The following MAP4K3 variants were observed in gnomAD, a reference collection of about 807,000 sequenced individuals.
The protein encoded by MAP4K3 is mitogen-activated protein kinase kinase kinase kinase 3.
A neutral mutation model predicts 143.5 loss-of-function variants in MAP4K3; 94 were observed. That is an observed-to-expected ratio of 0.65 (90% CI 0.55 to 0.78). The LOEUF (loss-of-function observed/expected upper bound fraction) is 0.78. MAP4K3 is among the 30% of genes least tolerant of loss of function. The pLI is 0.00. For synonymous variants in MAP4K3, 416 were observed against 347.2 expected, an observed-to-expected ratio of 1.20 and a Z score of -2.20; for missense variants, 1,077 against 1,068.1, an observed-to-expected ratio of 1.01 and a Z score of -0.12.
chr2:39,317,620 A>C (rs1315401674), intron 12 of MAP4K3, among the ~76,000 whole-genome samples: 1 of 152,196 alleles, frequency 6.6e-6, no homozygotes, highest in Non-Finnish European at 1.5e-5. Context: ...TTTCAAAAGA[A>C]GACATATACA....
chr2:39,295,037 G>GAA (rs770504063), intron 16 of MAP4K3, among the ~76,000 whole-genome samples: 14 of 136,252 alleles, frequency 1.0e-4, no homozygotes, highest in Non-Finnish European at 1.6e-5. Context: ...AACAAGACTT[G>GAA]AAAAAAAAAA....
chr2:39,357,945 GCT>G (rs2148554984), intron 2 of MAP4K3, among the ~76,000 whole-genome samples: 1 of 152,288 alleles, frequency 6.6e-6, no homozygotes, highest in Non-Finnish European at 1.5e-5. Context: ...GAAGACAAAA[GCT>G]CTCTTTCTGG....
At chr2:39,340,632 T>G (rs545187647) in intron 4 of MAP4K3, among the ~76,000 whole-genome samples, 2 of 152,146 alleles carry the variant, frequency 1.3e-5, no homozygotes, top group Non-Finnish European at 2.9e-5. Context: ...CTAAGACCAA[T>G]CATATGGATA....
intron 33 of MAP4K3, among the ~76,000 whole-genome samples, chr2:39,251,535 T>C (rs981911530): frequency 2.0e-5 from 3 of 152,218 alleles, no homozygotes; most frequent in Admixed American, 1.3e-4. Flanking sequence ...CTATCGGCAT[T>C]AACAACACAA....
intron 12 of MAP4K3, among the ~76,000 whole-genome samples, chr2:39,317,954 T>TCATCGCAGTACTA (rs1683173335): frequency 6.6e-6 from 1 of 152,170 alleles, no homozygotes; most frequent in Non-Finnish European, 1.5e-5. Flanking sequence ...CACGTTATGT[T>TCATCGCAGTACTA]CATCGCAGTA....
chr2:39,275,403 G>A (rs114412632), intron 24 of MAP4K3, among the ~76,000 whole-genome samples: 8 of 152,230 alleles, frequency 5.3e-5, no homozygotes, highest in African/African-American at 1.9e-4. Flanking sequence ...GGTCACTTGA[G>A]CCCAGGAGGT....
intron 13 of MAP4K3, among the ~76,000 whole-genome samples, chr2:39,310,681 G>A (rs1406536923): frequency 6.6e-6 from 1 of 152,142 alleles, no homozygotes; most frequent in Admixed American, 6.5e-5. Flanking sequence ...CATAGTGGCT[G>A]TACTAATTTA....
intron 6 of MAP4K3, among the ~76,000 whole-genome samples, chr2:39,333,962 TG>T (rs1683774503): frequency 4.9e-3 from 6 of 1,234 alleles, no homozygotes; most frequent in South Asian, 0.062. Context: ...TTCCCATTTT[TG>T]TGTGTGTGTG....
rs1316667860 is a variant in MAP4K3 at position 39,251,848 on chromosome 2, C to T, written c.2579G>A (p.Arg860Lys). The change falls in exon 33 of 34, where the codon AGG becomes AAG. Residue 860 changes from arginine (R) to lysine (K), a missense_variant. Arg to Lys is a conservative substitution (Grantham distance 26, BLOSUM62 2). Coordinates refer to ENST00000263881, the MANE Select transcript of MAP4K3 (RefSeq NM_003618.4). ...QEISDSTRIF[R>K]LLGSDRVVVL... ...TTCATACCTGTCAGATCCAAGCAGCCTGAAAATTCTTGTGCTATCTGAAAT... is the reference window on the plus strand; with the variant it reads ...TTCATACCTGTCAGATCCAAGCAGCTTGAAAATTCTTGTGCTATCTGAAAT... The T allele has an allele frequency of 1.2e-6, 2 of 1,613,550 alleles. No individual in the cohort carries two copies. Among genetic ancestry groups the T allele is most frequent in the Non-Finnish European group, 1.7e-6 (2 of 1,179,812 alleles).
chr2:39,391,796 CA>C (rs1666668573), intron 1 of MAP4K3, among the ~76,000 whole-genome samples: 2 of 152,174 alleles, frequency 1.3e-5, no homozygotes, highest in African/African-American at 4.8e-5. Context: ...AGGCAGATCA[CA>C]ACCTACCAAC....
At chr2:39,375,850 G>C (rs1253261469) in intron 2 of MAP4K3, among the ~76,000 whole-genome samples, 1 of 152,188 alleles carries the variant, frequency 6.6e-6, no homozygotes, top group Admixed American at 6.5e-5. Context: ...ATGCAGTTTT[G>C]TGTGTCTAGC....
intron 29 of MAP4K3, 126 bp from the exon 30 acceptor site, chr2:39,258,713 T>TAGTG (rs1680443516): frequency 1.4e-6 from 1 of 729,200 alleles, no homozygotes; most frequent in Non-Finnish European, 2.4e-6. Context: ...AATACACATG[T>TAGTG]AGTGACTGAG....
intron 24 of MAP4K3, among the ~76,000 whole-genome samples, chr2:39,272,977 G>GTGTTCCTGTGTTC (rs1681094176): frequency 6.6e-6 from 1 of 151,900 alleles, no homozygotes; most frequent in East Asian, 1.9e-4. Context: ...TGGTGTAGTG[G>GTGTTCCTGTGTTC]AACACAGGAT....
chr2:39,327,701 T>C lies in MAP4K3; in HGVS notation c.531-1424A>G, dbSNP rs375218409. ...TCTTTTAAATCTGAAACAGATCTTA[T>C]GAAAATTTAAATTACTATAAGAAAA... On this transcript the variant is annotated intron_variant, in intron 8 of 33. Coordinates refer to ENST00000263881, the MANE Select transcript of MAP4K3 (RefSeq NM_003618.4). Among the ~76,000 whole-genome samples the C allele has an allele frequency of 1.4e-3, 209 of 152,340 alleles. 3 individuals carry two copies. The highest frequency in any genetic ancestry group is 4.7e-3 in the African/African-American group (194 of 41,580).
intron 1 of MAP4K3, among the ~76,000 whole-genome samples, chr2:39,416,615 A>C (rs1667389461): frequency 6.6e-6 from 1 of 152,232 alleles, no homozygotes; most frequent in Non-Finnish European, 1.5e-5. Context: ...ATTTTCCTTT[A>C]GTGAGTATAC....
intron 27 of MAP4K3, among the ~76,000 whole-genome samples, chr2:39,266,009 A>T (rs1558608870): frequency 6.6e-6 from 1 of 152,208 alleles, no homozygotes; most frequent in African/African-American, 2.4e-5. Context: ...AATAGATTTG[A>T]AATATTTAAA....
chr2:39,307,821 A>G, intron 15 of MAP4K3, 122 bp downstream of exon 15: 1 of 608,984 alleles, frequency 1.6e-6, no homozygotes, highest in Non-Finnish European at 2.6e-6. Context: ...TAATATATAG[A>G]AGTTTGCTAA....
intron 1 of MAP4K3, among the ~76,000 whole-genome samples, chr2:39,403,897 T>A (rs1298320440): frequency 6.6e-6 from 1 of 151,130 alleles, no homozygotes; most frequent in East Asian, 2.0e-4. Context: ...TCAGCCACAC[T>A]AGGATATAAG....
chr2:39,327,942 T>C (rs914336362), intron 8 of MAP4K3, among the ~76,000 whole-genome samples: 1 of 152,254 alleles, frequency 6.6e-6, no homozygotes, highest in Non-Finnish European at 1.5e-5. Flanking sequence ...AGCTAAGTTG[T>C]GTGCTTATCA....
Sources: gnomAD v4.1 joint callset for allele counts (sites outside exome capture counted in the v4.1 genomes callset) on GRCh38, gnomAD v4.1.1 for gene constraint, MANE v1.5 for transcripts, NCBI Gene and HGNC (gene_info 2026-07-23, HGNC 2026-07-21) for gene names.